PRRX1: variants seen among roughly 807,000 people sequenced by gnomAD.
PRRX1 encodes paired mesoderm homeobox protein 1.
In PRRX1, 8 loss-of-function variants were observed where a neutral mutation model predicts 24.0. That is an observed-to-expected ratio of 0.33 (90% CI 0.20 to 0.60). PRRX1 has a LOEUF of 0.60. Ranked by LOEUF, PRRX1 falls within the 20% of genes least tolerant of loss-of-function variation. The pLI, the probability that PRRX1 is intolerant of heterozygous loss-of-function variation, is 0.82. For synonymous variants in PRRX1, 160 were observed against 131.7 expected (o/e 1.22, Z -1.47); for missense variants, 281 against 322.4 (o/e 0.87, Z 0.98).
chr1:170,711,048 A>C (rs149901803), intron 1 of PRRX1, among the ~76,000 whole-genome samples: 3 of 152,324 alleles, frequency 2.0e-5, no homozygotes, highest in African/African-American at 7.2e-5. Flanking sequence ...TTACACTTCG[A>C]CTTTTCTTAT....
intron 3 of PRRX1, among the ~76,000 whole-genome samples, chr1:170,731,043 G>A (rs1169493320): frequency 2.0e-5 from 3 of 152,148 alleles, no homozygotes; most frequent in Non-Finnish European, 4.4e-5. Context: ...CACTTTAAGA[G>A]ATAAATATAC....
intron 1 of PRRX1, among the ~76,000 whole-genome samples, chr1:170,681,494 C>CAAA (rs35891147): frequency 0.28 from 39,804 of 143,478 alleles, 6,044 homozygotes; most frequent in Middle Eastern, 0.4. Flanking sequence ...GTTATCTTTG[C>CAAA]AAAAAAAAAA....
chr1:170,728,345 A>G (rs1344356901), intron 3 of PRRX1: 2 of 152,218 alleles, frequency 1.3e-5, no homozygotes, highest in African/African-American at 4.8e-5. Context: ...TTTTGGAAAT[A>G]TTCTATTTTA....
intron 1 of PRRX1, among the ~76,000 whole-genome samples, chr1:170,689,338 A>T (rs577097955): frequency 6.6e-6 from 1 of 152,304 alleles, no homozygotes; most frequent in South Asian, 2.1e-4. Flanking sequence ...AAGTCAATGA[A>T]TGAACAATAT....
At chr1:170,666,417 C>CAAAAAAAAAAAAAAA (rs35075394) in intron 1 of PRRX1, among the ~76,000 whole-genome samples, 1 of 75,946 alleles carries the variant, frequency 1.3e-5, no homozygotes, top group African/African-American at 5.3e-5. Context: ...GACTCCGTCT[C>CAAAAAAAAAAAAAAA]AAAAAAAAAA....
chr1:170,707,238 A>C (rs1389725582), intron 1 of PRRX1, among the ~76,000 whole-genome samples: 1 of 152,220 alleles, frequency 6.6e-6, no homozygotes, highest in African/African-American at 2.4e-5. Flanking sequence ...ATCTGTAGTA[A>C]AGGAATAAGT....
rs528941229 is a variant in PRRX1 at position 170,678,971 on chromosome 1, C to T, written c.241+14512C>T. ...CCAAAGTATATGCATATTAAATATC[C>T]CAGATGATTTTTATATCCCACAAAG... On this transcript the variant is annotated intron_variant, in intron 1 of 3. Transcript: ENST00000239461. 3.9e-5 allele frequency among the ~76,000 whole-genome samples: 6 copies of T among 152,262 alleles called. No homozygotes were observed. In the South Asian group the frequency reaches 8.3e-4, roughly 21 times the overall value.
rs943659862 is a variant in PRRX1 at position 170,707,803 on chromosome 1, G to A, written c.242-11923G>A. 2.6e-5 allele frequency among the ~76,000 whole-genome samples: 4 copies of A among 152,084 alleles called. No individual in the cohort carries two copies. The East Asian group carries it at 5.8e-4, about 22-fold the overall frequency. The stretch of plus-strand genomic sequence containing the variant: ...TATATCCAGTTTGTCCTTGTTCTTG[G>A]TTCAACATATTACTATCAAAGTCCT... On this transcript the variant is annotated intron_variant, in intron 1 of 3. Coordinates refer to ENST00000239461, the MANE Select transcript of PRRX1 (RefSeq NM_022716.4).
At chr1:170,696,486 C>T (rs756973220) in intron 1 of PRRX1, among the ~76,000 whole-genome samples, 2 of 151,904 alleles carry the variant, frequency 1.3e-5, no homozygotes, top group Non-Finnish European at 2.9e-5. Context: ...TATTTGAAGT[C>T]GTTTATAAGT....
chr1:170,679,232 T>C (rs1653422762), intron 1 of PRRX1, among the ~76,000 whole-genome samples: 1 of 152,168 alleles, frequency 6.6e-6, no homozygotes, highest in South Asian at 2.1e-4. Context: ...TAACAAACGG[T>C]TGCTGAATAA....
At chr1:170,728,397 AC>A (rs1036822383) in intron 3 of PRRX1, 1 of 152,200 alleles carries the variant, frequency 6.6e-6, no homozygotes, top group African/African-American at 2.4e-5. Context: ...ATTTTTAAAA[AC>A]ATCCATAATT....
At chr1:170,729,915 G>A (rs1655373840) in intron 3 of PRRX1, among the ~76,000 whole-genome samples, 1 of 152,238 alleles carries the variant, frequency 6.6e-6, no homozygotes, top group East Asian at 1.9e-4. Context: ...GAATTATTCA[G>A]ACTCACTAAT....
upstream of PRRX1, chr1:170,664,089 C>CTCTCTCTCTCTT: frequency 2.1e-6 from 1 of 468,402 alleles, no homozygotes; most frequent in Non-Finnish European, 3.1e-6. Flanking sequence ...CTCTTCCTCC[C>CTCTCTCTCTCTT]TCTCTCTCTC....
At chr1:170,689,839 CCTCTCTCTCTCT>C (rs71559512) in intron 1 of PRRX1, among the ~76,000 whole-genome samples, 19 of 91,644 alleles carry the variant, frequency 2.1e-4, no homozygotes, top group South Asian at 1.3e-3. Flanking sequence ...TCTCTCTCTC[CCTCTCTCTCTCT>C]CTCTCTCTCT....
intron 2 of PRRX1, among the ~76,000 whole-genome samples, chr1:170,722,923 G>A (rs141783850): frequency 6.6e-6 from 1 of 152,334 alleles, no homozygotes; most frequent in East Asian, 1.9e-4. Flanking sequence ...GAGTCCACAG[G>A]TAATTTTGAG....
At position 170,664,359 on chromosome 1, in the gene PRRX1, C is replaced by G; in HGVS notation, c.141C>G (p.Asp47Glu). The change falls in exon 1 of 4, where the codon GAC becomes GAG. Residue 47 changes from aspartate to glutamate, a missense_variant. Physicochemically the swap from Asp to Glu is conservative, Grantham distance 45. Transcript: ENST00000239461. ...TGCTAGACCTGGAGGAAGCCGGGGA[C>G]ATGGTGGCGGCACAGGCGGATGAGA... ...SHLLDLEEAGDMVAAQADENV... is the reference protein window; with the variant it reads ...SHLLDLEEAGEMVAAQADENV... The G allele has an allele frequency of 6.2e-7, 1 of 1,613,998 alleles. No homozygotes were observed. Among genetic ancestry groups the G allele is most frequent in the Non-Finnish European group, 8.5e-7 (1 of 1,179,960 alleles).
At chr1:170,684,504 G>A (rs1048121601) in intron 1 of PRRX1, among the ~76,000 whole-genome samples, 1 of 152,224 alleles carries the variant, frequency 6.6e-6, no homozygotes, top group Non-Finnish European at 1.5e-5. Flanking sequence ...TGTAATCCCA[G>A]CATTTTGGGA....
intron 1 of PRRX1, among the ~76,000 whole-genome samples, chr1:170,705,917 G>GACAC (rs72161621): frequency 0.039 from 4,848 of 123,624 alleles, 131 homozygotes; most frequent in East Asian, 0.15. Context: ...TACCCACATA[G>GACAC]ACACACACAC....
chr1:170,711,505 C>T (rs1434014591), intron 1 of PRRX1, among the ~76,000 whole-genome samples: 3 of 152,198 alleles, frequency 2.0e-5, no homozygotes, highest in Non-Finnish European at 4.4e-5. Flanking sequence ...TGTACATCTC[C>T]TTCATTCCTG....
Sources: allele counts gnomAD v4.1 joint callset (sites outside exome capture counted in the v4.1 genomes callset), GRCh38; gene constraint gnomAD v4.1.1; transcripts MANE v1.5; gene names NCBI Gene and HGNC (gene_info 2026-07-23, HGNC 2026-07-21).